Variants in PRR16 observed in about 807,000 individuals in gnomAD.
PRR16 encodes proline rich 16, also known as protein Largen.
A neutral mutation model predicts 18.2 loss-of-function variants in PRR16; 6 were observed. That is an observed-to-expected ratio of 0.33 (90% CI 0.18 to 0.65). PRR16 has a LOEUF of 0.65. Among genes scored for constraint, PRR16 ranks in the 30% least tolerant of loss-of-function variants. The pLI is 0.74. For missense variants in PRR16, 412 were observed against 376.6 expected, an observed-to-expected ratio of 1.09 and a Z score of -0.78; for synonymous variants, 151 against 147.8, an observed-to-expected ratio of 1.02 and a Z score of -0.16.
chr5:120,599,087 A>G (rs1753902630), intron 1 of PRR16, among the ~76,000 whole-genome samples: 1 of 151,274 alleles, frequency 6.6e-6, no homozygotes, highest in African/African-American at 2.4e-5. Context: ...TATTTTGTGC[A>G]TTCTACCTAT....
At chr5:120,474,240 A>G (rs940972109) in intron 1 of PRR16, among the ~76,000 whole-genome samples, 2 of 152,152 alleles carry the variant, frequency 1.3e-5, no homozygotes, top group African/African-American at 4.8e-5. Flanking sequence ...TCACTGGCTC[A>G]GGGTTTCTCA....
chr5:120,751,063 T>C, the PRR16 span, among the ~76,000 whole-genome samples: 17 of 152,162 alleles, frequency 1.1e-4, no homozygotes, highest in Non-Finnish European at 2.1e-4. Context: ...ACTTGCTTCT[T>C]TCACCTGACA....
the PRR16 span, among the ~76,000 whole-genome samples, chr5:120,723,326 C>T: frequency 3.3e-5 from 5 of 151,854 alleles, no homozygotes; most frequent in Non-Finnish European, 7.4e-5. Context: ...ATTGCAATTT[C>T]AATTGTGCTT....
chr5:120,561,906 G>A (rs1752586757), intron 1 of PRR16, among the ~76,000 whole-genome samples: 1 of 152,130 alleles, frequency 6.6e-6, no homozygotes, highest in Non-Finnish European at 1.5e-5. Flanking sequence ...GGAACTGTAA[G>A]CCTATTAAAC....
chr5:120,506,728 A>T (rs1323274033), intron 1 of PRR16, among the ~76,000 whole-genome samples: 1 of 151,960 alleles, frequency 6.6e-6, no homozygotes, highest in Admixed American at 6.6e-5. Context: ...ATGTTGTATG[A>T]CTTTTCTCTT....
chr5:120,738,917 G>A, the PRR16 span, among the ~76,000 whole-genome samples: 8 of 152,128 alleles, frequency 5.3e-5, no homozygotes, highest in Admixed American at 4.6e-4. Flanking sequence ...TTTTGCAGAG[G>A]AGATCTGCTT....
At chr5:120,770,755 C>T in the PRR16 span, among the ~76,000 whole-genome samples, 46 of 152,040 alleles carry the variant, frequency 3.0e-4, 2 homozygotes, top group East Asian at 7.6e-3. Context: ...TAACTTTTAT[C>T]GCACACACTG....
the PRR16 span, among the ~76,000 whole-genome samples, chr5:120,791,738 G>A: frequency 2.0e-5 from 3 of 151,904 alleles, no homozygotes. Context: ...TGTTTGTAGT[G>A]TACAATTCAA....
intron 1 of PRR16, among the ~76,000 whole-genome samples, chr5:120,533,667 CT>C (rs1175506557): frequency 6.6e-6 from 1 of 152,114 alleles, no homozygotes; most frequent in Admixed American, 6.5e-5. Context: ...TTCAAGGAAG[CT>C]TGTGTGGCTG....
At chr5:120,662,709 T>C (rs1422524652) in intron 1 of PRR16, among the ~76,000 whole-genome samples, 2 of 152,182 alleles carry the variant, frequency 1.3e-5, no homozygotes, top group Non-Finnish European at 2.9e-5. Context: ...CCACTGGACC[T>C]GAAAAGTGTG....
chr5:120,729,410 G>C, the PRR16 span, among the ~76,000 whole-genome samples: 1 of 152,108 alleles, frequency 6.6e-6, no homozygotes, highest in African/African-American at 2.4e-5. Context: ...GAGTTAAAAT[G>C]AAGAGTTGTA....
intron 1 of PRR16, among the ~76,000 whole-genome samples, chr5:120,603,986 T>C (rs969390233): frequency 6.6e-6 from 1 of 152,134 alleles, no homozygotes; most frequent in Non-Finnish European, 1.5e-5. Context: ...GTGGTCAATC[T>C]TAGAGTATAT....
chr5:120,523,022 G>A (rs1188310401), intron 1 of PRR16, among the ~76,000 whole-genome samples: 1 of 152,058 alleles, frequency 6.6e-6, no homozygotes. Context: ...AAAACTTTGA[G>A]CTTGTTATCT....
Position 120,681,904 on chromosome 5 carries a change from C to T in PRR16, c.160-4050C>T, listed in dbSNP as rs909235049. Among the ~76,000 whole-genome samples the T allele has an allele frequency of 2.6e-5, 4 of 152,184 alleles. No individual in the cohort carries two copies. The South Asian group carries it at 6.2e-4, about 24-fold the overall frequency. On this transcript the variant is annotated intron_variant, in intron 1 of 1. Transcript: ENST00000407149. ...TGCTTTTCAGTGTTTTCTGGTTTCACTATGGTATGTCTGAGTGAGAGTTTG... is the reference window on the plus strand; with the variant it reads ...TGCTTTTCAGTGTTTTCTGGTTTCATTATGGTATGTCTGAGTGAGAGTTTG...
intron 1 of PRR16, among the ~76,000 whole-genome samples, chr5:120,521,779 G>A (rs1257929064): frequency 2.0e-5 from 3 of 152,054 alleles, no homozygotes; most frequent in African/African-American, 4.8e-5. Flanking sequence ...CCATTAACTC[G>A]TCATTTACAT....
At chr5:120,582,820 T>C (rs1753317710) in intron 1 of PRR16, among the ~76,000 whole-genome samples, 1 of 151,076 alleles carries the variant, frequency 6.6e-6, no homozygotes, top group African/African-American at 2.5e-5. Context: ...TATAAATTGG[T>C]ATTTCCAAGG....
chr5:120,652,967 G>C lies in PRR16; in HGVS notation c.160-32987G>C, dbSNP rs185883126. Among the ~76,000 whole-genome samples the C allele has an allele frequency of 3.0e-3, 460 of 152,008 alleles. 3 individuals are homozygous for C. Among genetic ancestry groups the C allele is most frequent in the Admixed American group, 6.5e-3 (99 of 15,234 alleles). On this transcript the variant is annotated intron_variant, in intron 1 of 1. Transcript: ENST00000407149. ...ATCTAAAAATGTTCTAAAATAAAAA[G>C]ATTATTTAAAATAACAGTGCAGATA...
chr5:120,731,659 A>G, the PRR16 span, among the ~76,000 whole-genome samples: 1 of 152,186 alleles, frequency 6.6e-6, no homozygotes, highest in Non-Finnish European at 1.5e-5. Flanking sequence ...CTCCTTTAGT[A>G]GGACTCTTTT....
chr5:120,566,855 T>C (rs1014885103), intron 1 of PRR16, among the ~76,000 whole-genome samples: 1 of 152,202 alleles, frequency 6.6e-6, no homozygotes, highest in African/African-American at 2.4e-5. Flanking sequence ...AAGAACTCTT[T>C]CCTTAACTTA....
Sources: allele counts gnomAD v4.1 joint callset (sites outside exome capture counted in the v4.1 genomes callset), GRCh38; gene constraint gnomAD v4.1.1; transcripts MANE v1.5; gene names NCBI Gene and HGNC (gene_info 2026-07-23, HGNC 2026-07-21).